YPEL1: variants seen among roughly 807,000 people sequenced by gnomAD.
The protein encoded by YPEL1 is yippee like 1, also known as protein yippee-like 1.
Under a neutral mutation model 17.3 loss-of-function variants are expected in YPEL1, and 7 were observed. That is an observed-to-expected ratio of 0.40 (90% CI 0.23 to 0.76). The LOEUF (loss-of-function observed/expected upper bound fraction) is 0.76. YPEL1 is among the 30% of genes least tolerant of loss of function. The probability of loss-of-function intolerance (pLI) is 0.35; values close to 1 mark genes in which losing one functional copy is unlikely to be tolerated. For missense variants in YPEL1, 91 were observed against 155.5 expected (o/e 0.59, Z 2.21); for synonymous variants, 59 against 59.6 (o/e 0.99, Z 0.05).
At chr22:21,704,386 G>GCGGCTCA (rs1387637554) in intron 2 of YPEL1, among the ~76,000 whole-genome samples, 1 of 152,220 alleles carries the variant, frequency 6.6e-6, no homozygotes, top group Non-Finnish European at 1.5e-5. Flanking sequence ...GCTGAGTATG[G>GCGGCTCA]CGGCTCACGC....
rs2068001365 is a variant in YPEL1 at position 21,697,919 on chromosome 22, A to G, written c.*3210T>C. On this transcript the variant is annotated 3_prime_UTR_variant, in exon 5 of 5. Coordinates refer to ENST00000339468, the MANE Select transcript of YPEL1 (RefSeq NM_013313.5). ...GGATTTTGGGAAGATTCTTATTTTC[A>G]ATTCTAATATCTGACAGATGCCATC... 1 of 151,668 alleles carries G rather than the reference A, an allele frequency of 6.6e-6. No individual in the cohort carries two copies. The highest frequency in any genetic ancestry group is 6.6e-5 in the Admixed American group (1 of 15,234). The allele number at this position is 151,668 out of a possible 1,614,324, so 9.4% of individuals were successfully genotyped here. A position where few individuals can be genotyped will look rare whatever the true frequency, so the allele number is the denominator to read the frequency against.
Position 21,703,717 on chromosome 22 carries a change from G to C in YPEL1, c.161+122C>G. ...GCGTTTCAGAAACTCCCGGCGGGGGGATGGTGGGTTCTTTCAGGACCCCTA... is the reference window on the plus strand; with the variant it reads ...GCGTTTCAGAAACTCCCGGCGGGGGCATGGTGGGTTCTTTCAGGACCCCTA... On this transcript the variant is annotated intron_variant, in intron 3 of 4. Transcript: ENST00000339468. This position sits in a 1 kb window ranked among gnomAD's most constrained non-coding sequence, Gnocchi z 6.1. 1 of 1,136,306 alleles carries C rather than the reference G, an allele frequency of 8.8e-7. No homozygotes were observed. The highest frequency in any genetic ancestry group is 1.2e-6 in the Non-Finnish European group (1 of 800,352). 70.4% of individuals were successfully genotyped at this position (1,136,306 alleles called of 1,614,324 possible).
chr22:21,712,681 A>G (rs1038015953), intron 1 of YPEL1, among the ~76,000 whole-genome samples: 8 of 149,912 alleles, frequency 5.3e-5, no homozygotes, highest in African/African-American at 1.2e-4. Context: ...AGCCGAGACC[A>G]TATCACTGCA....
chr22:21,698,226 A>C lies in YPEL1; in HGVS notation c.*2903T>G, dbSNP rs1041007343. The C allele has an allele frequency of 9.2e-5, 14 of 151,626 alleles. No individual in the cohort carries two copies. The highest frequency in any genetic ancestry group is 1.9e-4 in the Non-Finnish European group (13 of 67,930). The allele number at this position is 151,626 out of a possible 1,614,324, so 9.4% of individuals were successfully genotyped here. On this transcript the variant is annotated 3_prime_UTR_variant, in exon 5 of 5. Transcript: ENST00000339468. ...CTTGTATTTTGCAGAAGCCCAACAA[A>C]AAAAAAGTGATAAAAGTGTTGTTGG...
chr22:21,732,839 C>T lies in YPEL1; in HGVS notation c.-165+2776G>A, dbSNP rs182259616. Among the ~76,000 whole-genome samples the T allele has an allele frequency of 4.5e-4, 68 of 152,172 alleles. 2 individuals carry two copies. Among genetic ancestry groups the T allele is most frequent in the Admixed American group, 1.3e-4 (2 of 15,278 alleles). On this transcript the variant is annotated intron_variant, in intron 1 of 4. Coordinates refer to ENST00000339468, the MANE Select transcript of YPEL1 (RefSeq NM_013313.5). ...AACTGCAAGGTAGGCTGGGCTCACACCTGTAAATCCCAACACATCGGGAGG... is the reference window on the plus strand; with the variant it reads ...AACTGCAAGGTAGGCTGGGCTCACATCTGTAAATCCCAACACATCGGGAGG...
At chr22:21,732,917 A>C (rs1328713588) in intron 1 of YPEL1, among the ~76,000 whole-genome samples, 1 of 152,108 alleles carries the variant, frequency 6.6e-6, no homozygotes, top group African/African-American at 2.4e-5. Context: ...CCTGGGCAAC[A>C]CAGTGAGAAC....
At chr22:21,706,157 G>A (rs1444237753) in intron 2 of YPEL1, among the ~76,000 whole-genome samples, 3 of 151,208 alleles carry the variant, frequency 2.0e-5, no homozygotes, top group Non-Finnish European at 2.9e-5. Context: ...AAGGCTGGGC[G>A]CGGTGGTTCA....
chr22:21,711,912 G>A (rs537035885), intron 1 of YPEL1, among the ~76,000 whole-genome samples: 11 of 152,300 alleles, frequency 7.2e-5, no homozygotes, highest in South Asian at 6.2e-4. Flanking sequence ...CAGTGCTCAC[G>A]CCTGTGGTCC....
chr22:21,728,838 C>T (rs2068360633), intron 1 of YPEL1, among the ~76,000 whole-genome samples: 1 of 151,986 alleles, frequency 6.6e-6, no homozygotes, highest in Non-Finnish European at 1.5e-5. Flanking sequence ...GGTGAAACCC[C>T]GTCTCTACAA....
intron 2 of YPEL1, among the ~76,000 whole-genome samples, chr22:21,707,879 T>TGA (rs1175620591): frequency 1.3e-5 from 2 of 152,204 alleles, no homozygotes; most frequent in African/African-American, 4.8e-5. Context: ...TGTAAACAGA[T>TGA]GAGCACAGCT....
intron 1 of YPEL1, among the ~76,000 whole-genome samples, chr22:21,723,500 T>C (rs750755150): frequency 6.6e-6 from 1 of 152,134 alleles, no homozygotes; most frequent in Non-Finnish European, 1.5e-5. Context: ...CCAGAGTAGC[T>C]GGGATTACAG....
At chr22:21,717,185 G>A (rs898659386) in intron 1 of YPEL1, among the ~76,000 whole-genome samples, 7 of 152,182 alleles carry the variant, frequency 4.6e-5, no homozygotes, top group East Asian at 1.9e-4. Flanking sequence ...AGACCAGCCT[G>A]GCCAACACGG....
chr22:21,711,320 A>G (rs2068163850), intron 1 of YPEL1, among the ~76,000 whole-genome samples: 1 of 152,242 alleles, frequency 6.6e-6, no homozygotes, highest in South Asian at 2.1e-4. Context: ...AAGTGAAAAA[A>G]TGAACTCCTT....
At chr22:21,712,056 C>A (rs2068171452) in intron 1 of YPEL1, among the ~76,000 whole-genome samples, 1 of 151,954 alleles carries the variant, frequency 6.6e-6, no homozygotes, top group African/African-American at 2.4e-5. Context: ...TGCCTGTGGT[C>A]CCAGCTACTT....
At chr22:21,715,809 G>T in intron 1 of YPEL1, among the ~76,000 whole-genome samples, 1 of 137,564 alleles carries the variant, frequency 7.3e-6, no homozygotes, top group East Asian at 2.0e-4. Context: ...TATTGCCCAG[G>T]CTGGAGTGCA....
In YPEL1 at chr22:21,726,961, C is replaced by T. The variant is rs542974824; in HGVS notation, c.-165+8654G>A. ...TAAACACTGAGGGCACCGCTAATTA[C>T]AAAAAGCCTTGTTTCCAACCAAAAC... On this transcript the variant is annotated intron_variant, in intron 1 of 4. Transcript: ENST00000339468. Among the ~76,000 whole-genome samples the T allele has an allele frequency of 2.6e-5, 4 of 152,344 alleles. No individual in the cohort carries two copies. The South Asian group carries it at 6.2e-4, about 24-fold the overall frequency.
At chr22:21,726,445 CA>C (rs1485214930) in intron 1 of YPEL1, among the ~76,000 whole-genome samples, 5 of 152,214 alleles carry the variant, frequency 3.3e-5, no homozygotes, top group African/African-American at 9.6e-5. Flanking sequence ...GCGGCCACCA[CA>C]GTCCCACAGG....
At chr22:21,715,973 GCTGGTCTCAAACTCCCAAC>G (rs1298121540) in intron 1 of YPEL1, among the ~76,000 whole-genome samples, 4 of 152,124 alleles carry the variant, frequency 2.6e-5, no homozygotes, top group Non-Finnish European at 5.9e-5. Flanking sequence ...TGTTGGTCAG[GCTGGTCTCAAACTCCCAAC>G]CTGAGTTGAT....
rs2068086192 is a variant in YPEL1 at position 21,703,566 on chromosome 22, TAA to T, written c.162-90_162-89del. ...CTCAGCGGGCCCCACCCCATCCTCC[TAA>T]GAGTTCCCCCAAAACAGGGAAACTC... is the stretch of plus-strand genomic sequence containing the variant. On this transcript the variant is annotated intron_variant, in intron 3 of 4. Transcript: ENST00000339468. This position sits in a 1 kb window ranked among gnomAD's most constrained non-coding sequence, Gnocchi z 6.1. 9 of 1,244,424 alleles carry T rather than the reference TAA, an allele frequency of 7.2e-6. No individual in the cohort carries two copies. Among genetic ancestry groups the T allele is most frequent in the African/African-American group, 1.5e-5 (1 of 67,536 alleles). 77.1% of individuals were successfully genotyped at this position (1,244,424 alleles called of 1,614,324 possible).
Sources: gnomAD v4.1 joint callset for allele counts (sites outside exome capture counted in the v4.1 genomes callset) on GRCh38, gnomAD v4.1.1 for gene constraint, Gnocchi (gnomAD v3.1) non-coding constraint, MANE v1.5 for transcripts, NCBI Gene and HGNC (gene_info 2026-07-23, HGNC 2026-07-21) for gene names.